Variants in NFIB observed in about 807,000 individuals in gnomAD.
The protein encoded by NFIB is nuclear factor I B.
In NFIB, 11 loss-of-function variants were observed where a neutral mutation model predicts 61.5. That is an observed-to-expected ratio of 0.18 (90% CI 0.11 to 0.30). The LOEUF (loss-of-function observed/expected upper bound fraction) is 0.30, where lower values mean the gene tolerates loss of function less well. Ranked by LOEUF, NFIB falls within the 10% of genes least tolerant of loss-of-function variation. NFIB has a pLI of 1.00. For synonymous variants in NFIB, 260 were observed against 216.5 expected, an observed-to-expected ratio of 1.20 and a Z score of -1.76; for missense variants, 471 against 608.9, an observed-to-expected ratio of 0.77 and a Z score of 2.38.
intron 1 of NFIB, among the ~76,000 whole-genome samples, chr9:14,375,144 T>C (rs1176682385): frequency 6.6e-6 from 1 of 152,142 alleles, no homozygotes; most frequent in Non-Finnish European, 1.5e-5. Flanking sequence ...ATTCCCAACA[T>C]AAGAGAAACT....
intron 1 of NFIB, chr9:14,361,573 T>C (rs1202164303): frequency 2.0e-5 from 3 of 152,208 alleles, no homozygotes; most frequent in Non-Finnish European, 4.4e-5. Flanking sequence ...TAATGACATA[T>C]AGCATACATT....
At chr9:14,410,497 T>G in the NFIB span, among the ~76,000 whole-genome samples, 30 of 152,286 alleles carry the variant, frequency 2.0e-4, no homozygotes, top group Admixed American at 2.6e-4. Flanking sequence ...AGAGTTACAG[T>G]TCATCAGAGC....
At chr9:14,346,105 C>T (rs73641909) in intron 1 of NFIB, among the ~76,000 whole-genome samples, 5,435 of 152,154 alleles carry the variant, frequency 0.036, 163 homozygotes, top group African/African-American at 0.074. Context: ...TGCTAAGCCA[C>T]GGGAAGGGGG....
At chr9:14,461,405 A>T in the NFIB span, among the ~76,000 whole-genome samples, 1 of 152,206 alleles carries the variant, frequency 6.6e-6, no homozygotes, top group African/African-American at 2.4e-5. Flanking sequence ...CAACTAATTG[A>T]CTTTGTAAAA....
chr9:14,318,276 T>C (rs1308355988), upstream of NFIB, among the ~76,000 whole-genome samples: 1 of 152,238 alleles, frequency 6.6e-6, no homozygotes, highest in Admixed American at 6.5e-5. Context: ...TTCAGCTCAC[T>C]GGATTTTTCA....
intron 2 of NFIB, among the ~76,000 whole-genome samples, chr9:14,205,257 G>GAGGGAA (rs2049539194): frequency 9.6e-6 from 1 of 104,372 alleles, no homozygotes. Flanking sequence ...GGAAGGAAGG[G>GAGGGAA]GGAGGGAAAG....
chr9:14,355,560 T>G (rs1294589311), intron 1 of NFIB, among the ~76,000 whole-genome samples: 26 of 152,210 alleles, frequency 1.7e-4, no homozygotes, highest in Admixed American at 1.7e-3. Context: ...TTGAAGAATC[T>G]TTTGCTTTTT....
chr9:14,384,244 C>T (rs2061524095), intron 1 of NFIB, among the ~76,000 whole-genome samples: 1 of 152,188 alleles, frequency 6.6e-6, no homozygotes, highest in South Asian at 2.1e-4. Flanking sequence ...GAGAGCCTTC[C>T]CCACCCAAGT....
chr9:14,497,463 G>T, the NFIB span, among the ~76,000 whole-genome samples: 1 of 152,286 alleles, frequency 6.6e-6, no homozygotes, highest in Admixed American at 6.5e-5. Flanking sequence ...GGTTCATTTT[G>T]GGTCCTATAG....
intron 2 of NFIB, among the ~76,000 whole-genome samples, chr9:14,223,465 T>C (rs2051963635): frequency 6.6e-6 from 1 of 152,208 alleles, no homozygotes; most frequent in Non-Finnish European, 1.5e-5. Context: ...CAAATTTAAA[T>C]AGAACAAAGC....
intron 1 of NFIB, among the ~76,000 whole-genome samples, chr9:14,360,831 C>T (rs2061230787): frequency 6.6e-6 from 1 of 152,104 alleles, no homozygotes; most frequent in Non-Finnish European, 1.5e-5. Context: ...CCTGGGATTA[C>T]AGGCTTGAGC....
chr9:14,245,611 G>A (rs1472518494), intron 2 of NFIB, among the ~76,000 whole-genome samples: 1 of 152,104 alleles, frequency 6.6e-6, no homozygotes, highest in Non-Finnish European at 1.5e-5. Flanking sequence ...AGTGGCTCAC[G>A]ACTGTAATCC....
chr9:14,140,793 G>A (rs577371805), intron 6 of NFIB, among the ~76,000 whole-genome samples: 9 of 152,126 alleles, frequency 5.9e-5, no homozygotes, highest in Non-Finnish European at 8.8e-5. Context: ...AATTAGCTGG[G>A]CATGGTGGCA....
chr9:14,389,718 A>T lies in NFIB; in HGVS notation c.108+8806T>A, dbSNP rs536286386. On this transcript the variant is annotated intron_variant, in intron 1 of 8. Coordinates refer to the NFIB transcript ENST00000380934. ...ATTAGAGTTGGATCACAAGCAGAAC[A>T]GTAATCAGTGTGGCCTTTCCCAGCA... Among the ~76,000 whole-genome samples the T allele has an allele frequency of 4.2e-3, 635 of 152,018 alleles. 2 individuals are homozygous for T. The highest frequency in any genetic ancestry group is 6.7e-3 in the Non-Finnish European group (452 of 67,914).
At chr9:14,099,725 G>C (rs1291999092) in intron 10 of NFIB, among the ~76,000 whole-genome samples, 1 of 152,304 alleles carries the variant, frequency 6.6e-6, no homozygotes, top group East Asian at 1.9e-4. Flanking sequence ...GAAATGTGAT[G>C]GCTGCCATTA....
At chr9:14,286,546 T>A (rs749106828) in intron 2 of NFIB, among the ~76,000 whole-genome samples, 1 of 152,260 alleles carries the variant, frequency 6.6e-6, no homozygotes, top group Admixed American at 6.5e-5. Flanking sequence ...TCACAAGTTT[T>A]CATGTCATTT....
chr9:14,196,330 C>T (rs2048465501), intron 2 of NFIB, among the ~76,000 whole-genome samples: 1 of 152,062 alleles, frequency 6.6e-6, no homozygotes, highest in South Asian at 2.1e-4. Flanking sequence ...TCAAAGAGAG[C>T]TTTAAAAAGC....
intron 2 of NFIB, among the ~76,000 whole-genome samples, chr9:14,290,467 A>G (rs2059017784): frequency 6.6e-6 from 1 of 151,992 alleles, no homozygotes; most frequent in African/African-American, 2.4e-5. Context: ...TTACCCTCAC[A>G]ATTGCCAAAT....
chr9:14,456,397 A>C, the NFIB span, among the ~76,000 whole-genome samples: 2 of 152,196 alleles, frequency 1.3e-5, no homozygotes, highest in African/African-American at 4.8e-5. Context: ...AAACAGAGTA[A>C]AAAGACAAAG....
Sources: gnomAD v4.1 joint callset for allele counts (sites outside exome capture counted in the v4.1 genomes callset) on GRCh38, gnomAD v4.1.1 for gene constraint, MANE v1.5 for transcripts, NCBI Gene and HGNC (gene_info 2026-07-23, HGNC 2026-07-21) for gene names.